GFPT1: variants seen among roughly 807,000 people sequenced by gnomAD.
GFPT1 encodes glutamine--fructose-6-phosphate aminotransferase [isomerizing] 1.
GFPT1 carries 40 observed loss-of-function variants against 92.0 expected under a neutral mutation model. The ratio of observed to expected loss-of-function variants is 0.43; its 90% confidence interval spans 0.34 to 0.57. The LOEUF (loss-of-function observed/expected upper bound fraction) is 0.57, where lower values mean the gene tolerates loss of function less well. Among genes scored for constraint, GFPT1 ranks in the 20% least tolerant of loss-of-function variants. The pLI, the probability that GFPT1 is intolerant of heterozygous loss-of-function variation, is 0.02. For missense variants in GFPT1, 448 were observed against 869.1 expected, an observed-to-expected ratio of 0.52 and a Z score of 6.09; for synonymous variants, 269 against 280.6, an observed-to-expected ratio of 0.96 and a Z score of 0.41.
At chr2:69,380,876 C>T (rs1039394565) in intron 1 of GFPT1, among the ~76,000 whole-genome samples, 21 of 152,180 alleles carry the variant, frequency 1.4e-4, no homozygotes, top group African/African-American at 4.8e-4. Flanking sequence ...TTTCAAACTT[C>T]TCCCAGATAT....
intron 19 of GFPT1, among the ~76,000 whole-genome samples, 198 bp downstream of exon 19, chr2:69,326,716 C>G (rs1303396936): frequency 6.6e-6 from 1 of 152,116 alleles, no homozygotes; most frequent in Non-Finnish European, 1.5e-5. Context: ...TGGAGGTGAA[C>G]CCCAAGGTTC....
intron 1 of GFPT1, among the ~76,000 whole-genome samples, chr2:69,383,985 A>C (rs1020359085): frequency 6.6e-6 from 1 of 152,228 alleles, no homozygotes; most frequent in Non-Finnish European, 1.5e-5. Flanking sequence ...CACATTTATA[A>C]AAACAATAGC....
chr2:69,335,076 G>C (rs1035826459), intron 15 of GFPT1, among the ~76,000 whole-genome samples: 1 of 151,986 alleles, frequency 6.6e-6, no homozygotes, highest in East Asian at 1.9e-4. Flanking sequence ...GTGTGATCAT[G>C]GCTCACTGCA....
At chr2:69,334,047 T>C (rs752092473) in intron 15 of GFPT1, among the ~76,000 whole-genome samples, 3 of 152,102 alleles carry the variant, frequency 2.0e-5, no homozygotes, top group African/African-American at 4.8e-5. Context: ...TCCCAGCTAC[T>C]TGAGAGGCTG....
At chr2:69,374,805 AT>A (rs1671834450) in intron 1 of GFPT1, among the ~76,000 whole-genome samples, 1 of 152,228 alleles carries the variant, frequency 6.6e-6, no homozygotes, top group African/African-American at 2.4e-5. Flanking sequence ...AATGAGATTA[AT>A]TTTGCTTATT....
intron 3 of GFPT1, among the ~76,000 whole-genome samples, chr2:69,364,114 CAA>C (rs10715095): frequency 1.8e-4 from 18 of 99,056 alleles, no homozygotes; most frequent in Admixed American, 3.5e-4. Flanking sequence ...GACTCCATCT[CAA>C]AAAAAAAAAA....
intron 1 of GFPT1, among the ~76,000 whole-genome samples, chr2:69,380,555 T>A (rs1671985167): frequency 6.6e-6 from 1 of 152,266 alleles, no homozygotes; most frequent in Admixed American, 6.5e-5. Context: ...AGTCATGACA[T>A]CTCTATACAT....
At chr2:69,341,978 T>A (rs955059091) in intron 13 of GFPT1, among the ~76,000 whole-genome samples, 174 bp downstream of exon 13, 3 of 152,208 alleles carry the variant, frequency 2.0e-5, no homozygotes, top group African/African-American at 7.2e-5. Flanking sequence ...CTTCCATGGA[T>A]AAATAATTCC....
intron 15 of GFPT1, 132 bp from the exon 16 acceptor site, chr2:69,329,930 C>T (rs1670620379): frequency 2.0e-5 from 14 of 703,016 alleles, no homozygotes; most frequent in South Asian, 1.5e-4. Flanking sequence ...CTTAAAACTA[C>T]GTTAGGGCCA....
intron 15 of GFPT1, among the ~76,000 whole-genome samples, chr2:69,332,784 G>T (rs1400665628): frequency 6.6e-6 from 1 of 152,080 alleles, no homozygotes; most frequent in South Asian, 2.1e-4. Context: ...ATGCTGAGGG[G>T]TGTGTGTGTG....
chr2:69,326,415 A>C (rs1670533617), intron 19 of GFPT1, among the ~76,000 whole-genome samples, 182 bp from the exon 20 acceptor site: 1 of 152,236 alleles, frequency 6.6e-6, no homozygotes, highest in Non-Finnish European at 1.5e-5. Flanking sequence ...GTGTCCTGAA[A>C]AAAACTGAAA....
chr2:69,347,846 T>C (rs887357408), intron 11 of GFPT1, among the ~76,000 whole-genome samples: 3 of 152,162 alleles, frequency 2.0e-5, no homozygotes, highest in African/African-American at 7.2e-5. Flanking sequence ...CCTCATGTTA[T>C]ATATAAGAAA....
Position 69,342,263 on chromosome 2 carries a change from T to C in GFPT1, c.1106-14A>G. The stretch of plus-strand genomic sequence containing the variant: ...CACCCAAATTCACTGAAATAAAAGT[T>C]TGTGTACATAATTATTTAGCAAAGA... On this transcript the variant is annotated splice_polypyrimidine_tract_variant and intron_variant, in intron 12 of 19. Coordinates refer to ENST00000357308, the MANE Select transcript of GFPT1 (RefSeq NM_001244710.2). The C allele has an allele frequency of 6.7e-7, 1 of 1,492,814 alleles. No homozygotes were observed. The highest frequency in any genetic ancestry group is 9.3e-7 in the Non-Finnish European group (1 of 1,069,548). 92.5% of individuals were successfully genotyped at this position (1,492,814 alleles called of 1,614,324 possible). A position where few individuals can be genotyped will look rare whatever the true frequency, so the allele number is the denominator to read the frequency against.
intron 15 of GFPT1, among the ~76,000 whole-genome samples, chr2:69,335,818 C>T (rs1670779936): frequency 6.6e-6 from 1 of 151,980 alleles, no homozygotes; most frequent in Non-Finnish European, 1.5e-5. Context: ...CCCAAGAGTT[C>T]GAGACTGGCC....
intron 11 of GFPT1, 45 bp from the exon 12 acceptor site, chr2:69,346,044 T>C (rs1286248154): frequency 4.7e-6 from 5 of 1,070,314 alleles, no homozygotes; most frequent in East Asian, 4.7e-5. Flanking sequence ...ACAAATCAAA[T>C]AAAAGAATTT....
chr2:69,376,898 T>C (rs1365923928), intron 1 of GFPT1, among the ~76,000 whole-genome samples: 1 of 152,204 alleles, frequency 6.6e-6, no homozygotes, highest in African/African-American at 2.4e-5. Context: ...AGACAATTTA[T>C]AGACTCTACT....
intron 2 of GFPT1, among the ~76,000 whole-genome samples, chr2:69,371,082 T>TC (rs1671735713): frequency 6.7e-6 from 1 of 149,348 alleles, no homozygotes; most frequent in Non-Finnish European, 1.5e-5. Context: ...TTTTCTTTTT[T>TC]TTTTTTTTTT....
intron 12 of GFPT1, among the ~76,000 whole-genome samples, chr2:69,345,433 C>T (rs562777659): frequency 6.6e-6 from 1 of 152,176 alleles, no homozygotes; most frequent in African/African-American, 2.4e-5. Context: ...TGCCCAGCAA[C>T]GGGACCAGGT....
At chr2:69,386,186 T>C (rs149143558) in intron 1 of GFPT1, among the ~76,000 whole-genome samples, 1 of 152,092 alleles carries the variant, frequency 6.6e-6, no homozygotes, top group East Asian at 1.9e-4. Context: ...AAAGTCTCTT[T>C]CACTAACACT....
Sources: allele counts gnomAD v4.1 joint callset (sites outside exome capture counted in the v4.1 genomes callset), GRCh38; gene constraint gnomAD v4.1.1; transcripts MANE v1.5; gene names NCBI Gene and HGNC (gene_info 2026-07-23, HGNC 2026-07-21).